Variants in PLCL1 observed in about 807,000 individuals in gnomAD.
PLCL1 encodes the protein phospholipase C like 1 (inactive).
In PLCL1, 41 loss-of-function variants were observed where a neutral mutation model predicts 84.4. The observed-to-expected ratio is 0.49, with a 90% CI of 0.38 to 0.63. The LOEUF is 0.63. Among genes scored for constraint, PLCL1 ranks in the 30% least tolerant of loss-of-function variants. The pLI, the probability that PLCL1 is intolerant of heterozygous loss-of-function variation, is 0.00. For synonymous variants in PLCL1, 490 were observed against 488.3 expected (o/e 1.00, Z -0.05); for missense variants, 1,206 against 1,367.8 (o/e 0.88, Z 1.87).
Position 198,103,772 on chromosome 2 carries a change from A to G in PLCL1, c.2996-55A>G, listed in dbSNP as rs547139213. The G allele has an allele frequency of 6.5e-6, 5 of 771,776 alleles. No homozygotes were observed. In the Admixed American group the frequency reaches 1.3e-4, roughly 20 times the overall value. 47.8% of individuals were successfully genotyped at this position (771,776 alleles called of 1,614,324 possible). On this transcript the variant is annotated intron_variant, in intron 4 of 5. Transcript: ENST00000428675. ...TTACTGATAATATTTTCATTATAAGATGCCCATTTTTCTGAGATATATACT... is the reference window on the plus strand; with the variant it reads ...TTACTGATAATATTTTCATTATAAGGTGCCCATTTTTCTGAGATATATACT...
chr2:198,090,977 AT>A (rs1354388705), intron 3 of PLCL1, among the ~76,000 whole-genome samples: 1 of 152,196 alleles, frequency 6.6e-6, no homozygotes, highest in Non-Finnish European at 1.5e-5. Flanking sequence ...TCTCATCTGT[AT>A]TATTACAATG....
intron 1 of PLCL1, among the ~76,000 whole-genome samples, chr2:197,986,116 C>T (rs888105830): frequency 8.5e-5 from 13 of 152,164 alleles, no homozygotes; most frequent in African/African-American, 2.9e-4. Flanking sequence ...GAAATTGTTC[C>T]AAGCATTCAT....
rs1559010643 is a variant in PLCL1 at position 197,805,261 on chromosome 2, C to T, written c.162C>T (p.Ala54=). 1 of 1,272,496 alleles carries T rather than the reference C, an allele frequency of 7.9e-7. No individual in the cohort carries two copies. The highest frequency in any genetic ancestry group is 9.9e-7 in the Non-Finnish European group (1 of 1,010,824). The allele number at this position is 1,272,496 out of a possible 1,614,324, so 78.8% of individuals were successfully genotyped here. A position where few individuals can be genotyped will look rare whatever the true frequency, so the allele number is the denominator to read the frequency against. ...DRRSGVALPG[A]AGTPADSEAG... ...GCAGCGGGGTCGCACTGCCAGGCGC[C>T]GCGGGGACCCCAGCGGACAGCGAGG... Residue 54 remains alanine (A), a synonymous_variant, in exon 1 of 6, where the codon GCC becomes GCT. Coordinates refer to ENST00000428675, the MANE Select transcript of PLCL1 (RefSeq NM_006226.4). The surrounding 1 kb of genome is among the most constrained non-coding windows in gnomAD (Gnocchi z 4.0).
intron 1 of PLCL1, among the ~76,000 whole-genome samples, chr2:197,996,076 G>T (rs1690458421): frequency 6.6e-6 from 1 of 152,124 alleles, no homozygotes; most frequent in South Asian, 2.1e-4. Context: ...AAGAGACGGG[G>T]CATTGGAGGA....
chr2:197,822,159 G>A (rs1690828903), intron 1 of PLCL1, among the ~76,000 whole-genome samples: 1 of 152,138 alleles, frequency 6.6e-6, no homozygotes, highest in Admixed American at 6.5e-5. Flanking sequence ...GCCACATGCT[G>A]TCTGAAAGAT....
Position 198,084,228 on chromosome 2 carries a change from C to T in PLCL1, c.711C>T (p.Asn237=). Residue 237 remains asparagine (N), a synonymous_variant, in exon 2 of 6, where the codon AAC becomes AAT. Transcript: ENST00000428675. ...QPLDFMEGNQ[N]TPRFMWLKTV... is the part of the protein sequence containing the mutation. ...TTGATTTTATGGAGGGCAACCAGAACACACCACGGTTCATGTGGTTGAAAA... is the reference window on the plus strand; with the variant it reads ...TTGATTTTATGGAGGGCAACCAGAATACACCACGGTTCATGTGGTTGAAAA... 6.2e-7 allele frequency: 1 copy of T among 1,614,072 alleles called. No homozygotes were observed. The highest frequency in any genetic ancestry group is 8.5e-7 in the Non-Finnish European group (1 of 1,179,982).
rs145816491 is a variant in PLCL1 at position 197,817,320 on chromosome 2, A to G, written c.240+11981A>G. Among the ~76,000 whole-genome samples, 8 of 152,270 alleles carry G rather than the reference A, an allele frequency of 5.3e-5. No homozygotes were observed. In the East Asian group the frequency reaches 1.5e-3, roughly 29 times the overall value. On this transcript the variant is annotated intron_variant, in intron 1 of 5. Transcript: ENST00000428675. Reference sequence around the variant, plus strand: ...TTTCTCATGTTTATTTAGTGTGGGAACAAGCTAGTTTTGTGATAAATGAAC... The same window carrying G: ...TTTCTCATGTTTATTTAGTGTGGGAGCAAGCTAGTTTTGTGATAAATGAAC...
intron 1 of PLCL1, among the ~76,000 whole-genome samples, chr2:197,924,136 G>GGGGAGA (rs78981355): frequency 0.094 from 8,457 of 89,594 alleles, 559 homozygotes; most frequent in Middle Eastern, 0.18. Context: ...GGGAGACCGT[G>GGGGAGA]GGGAGAGGGA....
intron 1 of PLCL1, among the ~76,000 whole-genome samples, chr2:197,982,100 G>A (rs1394454669): frequency 2.0e-5 from 3 of 151,534 alleles, no homozygotes; most frequent in Non-Finnish European, 4.4e-5. Flanking sequence ...TCATGGGAAA[G>A]TAAAAACTGT....
chr2:197,918,312 G>A (rs546305060), intron 1 of PLCL1, among the ~76,000 whole-genome samples: 3 of 152,254 alleles, frequency 2.0e-5, no homozygotes, highest in Non-Finnish European at 2.9e-5. Context: ...TATCACAGCC[G>A]AGAGGAGCCT....
intron 3 of PLCL1, among the ~76,000 whole-genome samples, chr2:198,089,491 C>T (rs1692967118): frequency 6.6e-6 from 1 of 152,196 alleles, no homozygotes. Context: ...CCCTTATCCT[C>T]ATGGTCCAAA....
At chr2:197,998,217 G>GTGT (rs1553509362) in intron 1 of PLCL1, among the ~76,000 whole-genome samples, 1 of 147,028 alleles carries the variant, frequency 6.8e-6, no homozygotes, top group Admixed American at 6.7e-5. Context: ...GTGTGTGTGT[G>GTGT]ATATGAGATT....
At chr2:198,053,240 C>T (rs1027724697) in intron 1 of PLCL1, among the ~76,000 whole-genome samples, 2 of 152,194 alleles carry the variant, frequency 1.3e-5, no homozygotes, top group Admixed American at 6.5e-5. Flanking sequence ...CAGATCTATT[C>T]CTTTTCTCCC....
At position 197,909,925 on chromosome 2, in the gene PLCL1, C is replaced by T. The variant is rs570279840; in HGVS notation, c.240+104586C>T. 5.3e-5 allele frequency among the ~76,000 whole-genome samples: 8 copies of T among 152,252 alleles called. No homozygotes were observed. In the South Asian group the frequency reaches 1.7e-3, roughly 32 times the overall value. On this transcript the variant is annotated intron_variant, in intron 1 of 5. Transcript: ENST00000428675. ...TCTTTGAATCTCTCCTTCATCTGCA[C>T]CTATTGTGGTTCTACTCAGATTTCA...
intron 1 of PLCL1, among the ~76,000 whole-genome samples, chr2:198,050,031 C>T (rs548705138): frequency 2.0e-5 from 3 of 152,246 alleles, no homozygotes; most frequent in Admixed American, 6.5e-5. Context: ...AATGCCCCAG[C>T]GCTTAGACAA....
intron 1 of PLCL1, among the ~76,000 whole-genome samples, chr2:197,959,940 T>C (rs1008136577): frequency 1.3e-5 from 2 of 152,032 alleles, no homozygotes; most frequent in Admixed American, 1.3e-4. Flanking sequence ...AATCCTTGCC[T>C]CCATAGCTAC....
chr2:197,843,960 G>A (rs1231822325), intron 1 of PLCL1, among the ~76,000 whole-genome samples: 1 of 152,018 alleles, frequency 6.6e-6, no homozygotes, highest in Non-Finnish European at 1.5e-5. Context: ...TCATTTTGAG[G>A]GAACATGTAT....
intron 1 of PLCL1, among the ~76,000 whole-genome samples, chr2:197,973,720 G>A: frequency 6.6e-6 from 1 of 152,204 alleles, no homozygotes; most frequent in South Asian, 2.1e-4. Context: ...ATGAGCAAAG[G>A]GGAGCATGAC....
At position 198,083,976 on chromosome 2, in the gene PLCL1, C is replaced by G; in HGVS notation, c.459C>G (p.Leu153=). 1 of 1,614,060 alleles carries G rather than the reference C, an allele frequency of 6.2e-7. No homozygotes were observed. Among genetic ancestry groups the G allele is most frequent in the South Asian group, 1.1e-5 (1 of 91,082 alleles). ...ALRWEPSKKD[L]EKAKLDISAI... ...GCTGGGAACCTTCAAAGAAAGACCT[C>G]GAGAAAGCCAAGCTTGATATTTCTG... Residue 153 remains leucine (L), a synonymous_variant, in exon 2 of 6, where the codon CTC becomes CTG. Coordinates refer to ENST00000428675, the MANE Select transcript of PLCL1 (RefSeq NM_006226.4).
Sources: allele counts gnomAD v4.1 joint callset (sites outside exome capture counted in the v4.1 genomes callset), GRCh38; gene constraint gnomAD v4.1.1; non-coding constraint Gnocchi (gnomAD v3.1); transcripts MANE v1.5; gene names NCBI Gene and HGNC (gene_info 2026-07-23, HGNC 2026-07-21).